The following STK32B variants were observed in gnomAD, a reference collection of about 807,000 sequenced individuals.
STK32B encodes the protein serine/threonine kinase 32B, also known as serine/threonine-protein kinase 32B.
Under a neutral mutation model 52.6 loss-of-function variants are expected in STK32B, and 43 were observed. The observed-to-expected ratio is 0.82, with a 90% CI of 0.64 to 1.05. The LOEUF is 1.05. STK32B is among the 50% of genes least tolerant of loss of function. The pLI is 0.00. For synonymous variants in STK32B, 238 were observed against 204.3 expected (o/e 1.17, Z -1.41); for missense variants, 621 against 534.6 (o/e 1.16, Z -1.59).
the STK32B span, among the ~76,000 whole-genome samples, chr4:5,021,886 G>A: frequency 6.6e-6 from 1 of 152,138 alleles, no homozygotes; most frequent in Admixed American, 6.5e-5. Flanking sequence ...ACAGTCAGTG[G>A]GGAGACAAGG....
chr4:5,128,661 G>A (rs1357087103), intron 1 of STK32B, among the ~76,000 whole-genome samples: 1 of 152,208 alleles, frequency 6.6e-6, no homozygotes, highest in Non-Finnish European at 1.5e-5. Context: ...TGTCTACTTC[G>A]TACCAGGCAG....
At chr4:5,154,981 G>A (rs1436924393) in intron 2 of STK32B, among the ~76,000 whole-genome samples, 7 of 152,204 alleles carry the variant, frequency 4.6e-5, no homozygotes, top group Non-Finnish European at 8.8e-5. Context: ...AGGTCATGCA[G>A]TCTGGCCTGT....
Position 5,347,065 on chromosome 4 carries a change from C to A in STK32B, c.434+15672C>A, listed in dbSNP as rs556292267. ...TGGTCACCTCCCACTAGGTCCCTCCCTATACATGTGGGGATTATGGGGATT... is the reference window on the plus strand; with the variant it reads ...TGGTCACCTCCCACTAGGTCCCTCCATATACATGTGGGGATTATGGGGATT... On this transcript the variant is annotated intron_variant, in intron 4 of 11. Coordinates refer to ENST00000282908, the MANE Select transcript of STK32B (RefSeq NM_018401.3). 5.9e-5 allele frequency among the ~76,000 whole-genome samples: 9 copies of A among 152,228 alleles called. No homozygotes were observed. In the South Asian group the frequency reaches 8.3e-4, roughly 14 times the overall value.
chr4:5,205,543 C>T (rs1722498582), intron 3 of STK32B, among the ~76,000 whole-genome samples: 1 of 152,100 alleles, frequency 6.6e-6, no homozygotes, highest in South Asian at 2.1e-4. Context: ...GCCTCCCTGG[C>T]TGGCTTCTCT....
Position 5,331,285 on chromosome 4 carries a change from G to C in STK32B, c.326G>C (p.Arg109Pro). The part of the protein sequence containing the change: ...VVDLLLGGDL[R>P]YHLQQNVHFT... ...GACCTGCTCCTGGGAGGCGACCTGCGCTACCATCTGCAGCAGAATGTGCAT... is the reference window on the plus strand; with the variant it reads ...GACCTGCTCCTGGGAGGCGACCTGCCCTACCATCTGCAGCAGAATGTGCAT... Residue 109 changes from arginine to proline, a missense_variant, in exon 4 of 12, where the codon CGC (arginine) becomes CCC (proline). Physicochemically the swap from Arg to Pro is moderately radical, Grantham distance 103. Coordinates refer to ENST00000282908, the MANE Select transcript of STK32B (RefSeq NM_018401.3). 1 of 1,613,976 alleles carries C rather than the reference G, an allele frequency of 6.2e-7. No individual in the cohort carries two copies. The highest frequency in any genetic ancestry group is 8.5e-7 in the Non-Finnish European group (1 of 1,179,918).
Position 5,373,175 on chromosome 4 carries a change from A to G in STK32B, c.435-25032A>G, listed in dbSNP as rs545573400. Among the ~76,000 whole-genome samples, 261 of 152,302 alleles carry G rather than the reference A, an allele frequency of 1.7e-3. 1 individual carries two copies. Among genetic ancestry groups the G allele is most frequent in the African/African-American group, 5.1e-3 (213 of 41,564 alleles). On this transcript the variant is annotated intron_variant, in intron 4 of 11. Transcript: ENST00000282908. ...TGCTCTGGTTTCTAGGCACTCATGC[A>G]TATAGCTCGCCCAGCTATATTAGGA...
At chr4:5,189,239 G>A (rs1228608485) in intron 3 of STK32B, among the ~76,000 whole-genome samples, 1 of 152,174 alleles carries the variant, frequency 6.6e-6, no homozygotes, top group Non-Finnish European at 1.5e-5. Flanking sequence ...AATGTATAAT[G>A]ATGTGTATTC....
At chr4:5,212,171 G>A (rs1722945909) in intron 3 of STK32B, among the ~76,000 whole-genome samples, 1 of 152,114 alleles carries the variant, frequency 6.6e-6, no homozygotes, top group Non-Finnish European at 1.5e-5. Flanking sequence ...TTTTATACAG[G>A]CCATCATTTT....
chr4:5,485,973 C>A lies in STK32B; in HGVS notation c.1107-12972C>A, dbSNP rs527513780. 3.3e-5 allele frequency among the ~76,000 whole-genome samples: 5 copies of A among 152,252 alleles called. No homozygotes were observed. In the East Asian group the frequency reaches 9.7e-4, roughly 29 times the overall value. On this transcript the variant is annotated intron_variant, in intron 11 of 11. Coordinates refer to ENST00000282908, the MANE Select transcript of STK32B (RefSeq NM_018401.3). ...GTTTTGTCTCAGGGGAGTACCTGGC[C>A]GTGTGAGGTGTCAGTCTGCCCCTAC...
At position 5,315,925 on chromosome 4, in the gene STK32B, G is replaced by A. The variant is rs1016689463; in HGVS notation, c.261-15295G>A. Among the ~76,000 whole-genome samples, 4 of 150,412 alleles carry A rather than the reference G, an allele frequency of 2.7e-5. No homozygotes were observed. In the East Asian group the frequency reaches 7.8e-4, roughly 29 times the overall value. On this transcript the variant is annotated intron_variant, in intron 3 of 11. Transcript: ENST00000282908. ...TTGCTGTGTTGGCCAAGCTGATCTC[G>A]AACTCCTGACCTCAGGTGATCTGCC... is the stretch of plus-strand genomic sequence containing the variant.
In STK32B at chr4:5,169,717, C is replaced by T. The variant is rs572185853; in HGVS notation, c.260+1267C>T. Among the ~76,000 whole-genome samples, 9 of 151,900 alleles carry T rather than the reference C, an allele frequency of 5.9e-5. No individual in the cohort carries two copies. In the South Asian group the frequency reaches 6.3e-4, roughly 11 times the overall value. On this transcript the variant is annotated intron_variant, in intron 3 of 11. Transcript: ENST00000282908. The stretch of plus-strand genomic sequence containing the variant: ...TTGATTGTTTGGGAGAAATAAACCC[C>T]GTCATGTTTTGATTGCTATGCAAGG...
At chr4:5,142,239 C>T (rs567433510) in intron 2 of STK32B, among the ~76,000 whole-genome samples, 28 of 152,248 alleles carry the variant, frequency 1.8e-4, no homozygotes, top group Admixed American at 1.8e-3. Flanking sequence ...TTGTATGGAC[C>T]AATATATTCA....
chr4:5,191,933 CAG>C (rs920639549), intron 3 of STK32B, among the ~76,000 whole-genome samples: 3 of 152,212 alleles, frequency 2.0e-5, no homozygotes, highest in Non-Finnish European at 4.4e-5. Flanking sequence ...GGGAATACAA[CAG>C]GGGCATGGCA....
In STK32B at chr4:5,482,016, T is replaced by C. The variant is rs573268990; in HGVS notation, c.1106+13946T>C. The stretch of plus-strand genomic sequence containing the variant: ...TGTAGTACAGTTTGAAGTCAGGTAG[T>C]GTGATGCCTCCAGCTTTGTTCTTTT... On this transcript the variant is annotated intron_variant, in intron 11 of 11. Transcript: ENST00000282908. 5.9e-5 allele frequency among the ~76,000 whole-genome samples: 9 copies of C among 152,292 alleles called. No homozygotes were observed. In the East Asian group the frequency reaches 1.3e-3, roughly 23 times the overall value.
intron 3 of STK32B, among the ~76,000 whole-genome samples, chr4:5,291,924 CTGA>C (rs1728917255): frequency 6.6e-6 from 1 of 151,992 alleles, no homozygotes; most frequent in East Asian, 1.9e-4. Flanking sequence ...TTGCATGATG[CTGA>C]GGTTTGGGCT....
intron 1 of STK32B, among the ~76,000 whole-genome samples, chr4:5,065,053 G>T (rs181928197): frequency 4.0e-5 from 6 of 151,758 alleles, no homozygotes; most frequent in Non-Finnish European, 7.4e-5. Flanking sequence ...ACGAAGCCTG[G>T]AGTTCAAGAC....
chr4:5,185,377 T>C (rs1720668231), intron 3 of STK32B, among the ~76,000 whole-genome samples: 1 of 152,182 alleles, frequency 6.6e-6, no homozygotes, highest in Non-Finnish European at 1.5e-5. Context: ...TGAGTTGCAA[T>C]GGACTGAGTC....
chr4:5,430,465 C>T (rs1713483049), intron 6 of STK32B, among the ~76,000 whole-genome samples: 1 of 152,226 alleles, frequency 6.6e-6, no homozygotes, highest in Non-Finnish European at 1.5e-5. Context: ...TCTGTTAACG[C>T]ATGCTGTCCG....
At chr4:5,156,798 T>C (rs1047759063) in intron 2 of STK32B, among the ~76,000 whole-genome samples, 1 of 152,126 alleles carries the variant, frequency 6.6e-6, no homozygotes, top group Non-Finnish European at 1.5e-5. Flanking sequence ...TAATAGCTCT[T>C]TATGCCCCTC....
Sources: gnomAD v4.1 joint callset for allele counts (sites outside exome capture counted in the v4.1 genomes callset) on GRCh38, gnomAD v4.1.1 for gene constraint, MANE v1.5 for transcripts, NCBI Gene and HGNC (gene_info 2026-07-23, HGNC 2026-07-21) for gene names.